The following HDAC9 variants were observed in gnomAD, a reference collection of about 807,000 sequenced individuals.
HDAC9 encodes the protein MEF-2 interacting transcription repressor (MITR) protein.
In HDAC9, 41 loss-of-function variants were observed where a neutral mutation model predicts 139.4. The ratio of observed to expected loss-of-function variants is 0.29; its 90% CI spans 0.23 to 0.38. The LOEUF (loss-of-function observed/expected upper bound fraction) is 0.38. HDAC9 is among the 10% of genes least tolerant of loss of function. The pLI, the probability that HDAC9 is intolerant of heterozygous loss-of-function variation, is 1.00. For synonymous variants in HDAC9, 517 were observed against 476.2 expected (o/e 1.09, Z -1.12); for missense variants, 1,147 against 1,297.0 (o/e 0.88, Z 1.78).
rs115813807 is a variant in HDAC9 at position 18,345,532 on chromosome 7, C to T, written c.-42+55017C>T. Among the ~76,000 whole-genome samples the T allele has an allele frequency of 2.8e-3, 419 of 149,434 alleles. 3 individuals carry two copies. The highest frequency in any genetic ancestry group is 9.5e-3 in the African/African-American group (386 of 40,566). On this transcript the variant is annotated intron_variant, in intron 1 of 3. Transcript: ENST00000413509. ...TTTAGTGAAAGTACATGATTGTGTT[C>T]TCATAAGACACTTTGTTCCCTTTAT...
chr7:18,243,770 A>G (rs1794343058), intron 2 of HDAC9, among the ~76,000 whole-genome samples: 2 of 152,204 alleles, frequency 1.3e-5, no homozygotes, highest in African/African-American at 4.8e-5. Flanking sequence ...CTTAGTTAAA[A>G]AATTTATTTT....
chr7:18,271,381 T>C (rs1181603729), intron 2 of HDAC9, among the ~76,000 whole-genome samples: 1 of 152,182 alleles, frequency 6.6e-6, no homozygotes, highest in Non-Finnish European at 1.5e-5. Flanking sequence ...ATACATACAT[T>C]TTAGAAGGAT....
intron 2 of HDAC9, among the ~76,000 whole-genome samples, chr7:18,205,854 G>A (rs922881337): frequency 6.6e-6 from 1 of 152,060 alleles, no homozygotes; most frequent in African/African-American, 2.4e-5. Flanking sequence ...CTTTAAAGAA[G>A]CCTATATTTT....
At chr7:18,297,934 T>C (rs546816250) in intron 1 of HDAC9, among the ~76,000 whole-genome samples, 10 of 152,352 alleles carry the variant, frequency 6.6e-5, no homozygotes, top group South Asian at 6.2e-4. Context: ...GGCCTGTGCC[T>C]GGGGGATTTC....
At chr7:18,241,902 G>A (rs1346153026) in intron 2 of HDAC9, among the ~76,000 whole-genome samples, 2 of 152,208 alleles carry the variant, frequency 1.3e-5, no homozygotes, top group Non-Finnish European at 1.5e-5. Context: ...GTAAGATAGA[G>A]CCTAGGTCTG....
chr7:18,967,068 G>A (rs1194035991), intron 24 of HDAC9, among the ~76,000 whole-genome samples: 1 of 152,074 alleles, frequency 6.6e-6, no homozygotes, highest in African/African-American at 2.4e-5. Context: ...TTCATCAGGG[G>A]GACAGAGTAA....
chr7:18,907,173 C>T (rs1305529959), intron 22 of HDAC9: 1 of 152,096 alleles, frequency 6.6e-6, no homozygotes, highest in African/African-American at 2.4e-5. Context: ...TTGTCCCATG[C>T]AGAGCATGGA....
At chr7:18,640,841 C>T (rs925396646) in intron 8 of HDAC9, among the ~76,000 whole-genome samples, 17 of 152,020 alleles carry the variant, frequency 1.1e-4, no homozygotes, top group African/African-American at 3.4e-4. Context: ...ACTGATGCCC[C>T]GAGGTAGATG....
intron 13 of HDAC9, among the ~76,000 whole-genome samples, chr7:18,734,584 G>T (rs1348290625): frequency 6.6e-6 from 1 of 152,148 alleles, no homozygotes; most frequent in Non-Finnish European, 1.5e-5. Flanking sequence ...TTTTATGGCT[G>T]CATAGTATTC....
At chr7:18,416,394 G>T (rs1003704583) in intron 1 of HDAC9, among the ~76,000 whole-genome samples, 3 of 152,022 alleles carry the variant, frequency 2.0e-5, no homozygotes, top group African/African-American at 7.2e-5. Flanking sequence ...ATCTTTGTCA[G>T]GTTTTGATTA....
At chr7:18,679,537 T>C (rs565306668) in intron 12 of HDAC9, among the ~76,000 whole-genome samples, 3 of 151,566 alleles carry the variant, frequency 2.0e-5, no homozygotes, top group Admixed American at 6.6e-5. Context: ...TCTTCCTTTC[T>C]TCCTTTCTTT....
chr7:18,229,427 G>GGAGTCACA (rs1345022637), intron 2 of HDAC9, among the ~76,000 whole-genome samples: 4 of 152,192 alleles, frequency 2.6e-5, no homozygotes, highest in Non-Finnish European at 5.9e-5. Flanking sequence ...CAGGGATGCT[G>GGAGTCACA]GAGTCACAAC....
intron 3 of HDAC9, among the ~76,000 whole-genome samples, chr7:18,585,987 C>T (rs10232282): frequency 0.071 from 10,759 of 151,988 alleles, 524 homozygotes; most frequent in African/African-American, 0.15. Context: ...TGAGTATGTC[C>T]GACTCTTCCT....
chr7:18,584,854 A>G (rs940843547), intron 2 of HDAC9, among the ~76,000 whole-genome samples: 6 of 152,236 alleles, frequency 3.9e-5, no homozygotes, highest in African/African-American at 1.4e-4. Flanking sequence ...CTGATTACAA[A>G]GGAAGATGTT....
chr7:18,789,358 A>C (rs1792112443), intron 16 of HDAC9, among the ~76,000 whole-genome samples: 1 of 152,036 alleles, frequency 6.6e-6, no homozygotes, highest in Non-Finnish European at 1.5e-5. Context: ...ACTGGGAAAA[A>C]GAATAAGTTG....
chr7:18,762,745 T>G (rs903684240), intron 15 of HDAC9, among the ~76,000 whole-genome samples: 4 of 152,206 alleles, frequency 2.6e-5, no homozygotes, highest in Non-Finnish European at 5.9e-5. Flanking sequence ...TCACACTACA[T>G]TCTATAGCAA....
intron 12 of HDAC9, among the ~76,000 whole-genome samples, chr7:18,716,317 A>G (rs1364462026): frequency 3.3e-5 from 5 of 152,252 alleles, no homozygotes; most frequent in Admixed American, 3.3e-4. Context: ...GTAAAAATAT[A>G]GAAGTTAAAA....
chr7:18,192,760 A>G (rs1018468283), intron 2 of HDAC9, among the ~76,000 whole-genome samples: 1 of 152,242 alleles, frequency 6.6e-6, no homozygotes, highest in East Asian at 1.9e-4. Flanking sequence ...CTAAAATACA[A>G]CATGCCAGAA....
intron 1 of HDAC9, among the ~76,000 whole-genome samples, chr7:18,451,429 A>ATATGTGTGTGTGTGTGTATATATATG: frequency 7.3e-6 from 1 of 137,654 alleles, no homozygotes; most frequent in African/African-American, 2.7e-5. Context: ...GTGTATATAT[A>ATATGTGTGTGTGTGTGTATATATATG]TGTGTGTGTG....
Sources: allele counts gnomAD v4.1 joint callset (sites outside exome capture counted in the v4.1 genomes callset), GRCh38; gene constraint gnomAD v4.1.1; transcripts MANE v1.5; gene names NCBI Gene and HGNC (gene_info 2026-07-23, HGNC 2026-07-21).